The following TNRC6A variants were observed in gnomAD, a reference collection of about 807,000 sequenced individuals.
The protein encoded by TNRC6A is trinucleotide repeat-containing gene 6A protein.
TNRC6A carries 44 observed loss-of-function variants against 221.2 expected under a neutral mutation model. That is an observed-to-expected ratio of 0.20 (90% CI 0.16 to 0.26). The LOEUF (loss-of-function observed/expected upper bound fraction) is 0.26, where lower values mean the gene tolerates loss of function less well. Among genes scored for constraint, TNRC6A ranks in the 10% least tolerant of loss-of-function variants. The probability of loss-of-function intolerance (pLI) is 1.00; values close to 1 mark genes in which losing one functional copy is unlikely to be tolerated. For missense variants in TNRC6A, 2,199 were observed against 2,404.4 expected (o/e 0.91, Z 1.79); for synonymous variants, 847 against 838.5 (o/e 1.01, Z -0.18).
At position 24,634,706 on chromosome 16, in the gene TNRC6A, A is replaced by G. The variant is rs142870128; in HGVS notation, n.277-6178A>G. On this transcript the variant is annotated intron_variant and non_coding_transcript_variant, in intron 1 of 2. Transcript: ENST00000566108. ...GTCAGCTGAGGTTACAAGTCCAGGAACTTCATTCGGGGATTCCAGATTACA... is the reference window on the plus strand; with the variant it reads ...GTCAGCTGAGGTTACAAGTCCAGGAGCTTCATTCGGGGATTCCAGATTACA... Among the ~76,000 whole-genome samples, 84 of 152,260 alleles carry G rather than the reference A, an allele frequency of 5.5e-4. 1 individual carries two copies. In the East Asian group the frequency reaches 0.012, roughly 21 times the overall value.
chr16:24,790,828 A>G lies in TNRC6A; in HGVS notation c.2186A>G (p.Lys729Arg), dbSNP rs1463622475. 1 of 1,614,056 alleles carries G rather than the reference A, an allele frequency of 6.2e-7. No individual in the cohort carries two copies. Among genetic ancestry groups the G allele is most frequent in the East Asian group, 2.2e-5 (1 of 44,898 alleles). ...TCTGGTTGGGGACAGACTCCTATTAAGCAGAATACTGCCTGGGATACAGAA... is the reference window on the plus strand; with the variant it reads ...TCTGGTTGGGGACAGACTCCTATTAGGCAGAATACTGCCTGGGATACAGAA... ...SNSGWGQTPI[K>R]QNTAWDTETS... The change falls in exon 6 of 25, where the codon AAG becomes AGG. Residue 729 changes from lysine (K) to arginine (R), a missense_variant. Lys to Arg is a conservative substitution (Grantham distance 26, BLOSUM62 2). Around this residue, in one of 8 missense-constraint regions of TNRC6A, gnomAD observed 1,405 missense variants for 1,400.2 expected, o/e 1.00. Transcript: ENST00000395799.
In TNRC6A at chr16:24,770,815, G is replaced by A. The variant is rs149766338; in HGVS notation, c.164-6118G>A. Among the ~76,000 whole-genome samples the A allele has an allele frequency of 7.6e-4, 115 of 152,166 alleles. 1 individual carries two copies. The highest frequency in any genetic ancestry group is 2.6e-3 in the African/African-American group (108 of 41,512). The stretch of plus-strand genomic sequence containing the variant: ...AGAACCATATATTCAGTTGCATCCC[G>A]TGTGTGCATATTCTGTAGCAATGGT... On this transcript the variant is annotated intron_variant, in intron 4 of 24. Transcript: ENST00000395799.
At chr16:24,611,508 C>T (rs1384620649) in intron 1 of TNRC6A, among the ~76,000 whole-genome samples, 1 of 151,976 alleles carries the variant, frequency 6.6e-6, no homozygotes, top group Non-Finnish European at 1.5e-5. Context: ...GGCACTCGGA[C>T]CCCAAACGTC....
chr16:24,642,254 A>G (rs1350841414), intron 2 of TNRC6A, among the ~76,000 whole-genome samples: 1 of 152,308 alleles, frequency 6.6e-6, no homozygotes, highest in Admixed American at 6.5e-5. Context: ...GAAACTGAGC[A>G]ATGTTGTCCG....
chr16:24,690,893 C>T (rs1419638026), intron 2 of TNRC6A, among the ~76,000 whole-genome samples: 10 of 151,458 alleles, frequency 6.6e-5, no homozygotes, highest in African/African-American at 1.2e-4. Flanking sequence ...CTGCAAGCTC[C>T]GCCTCCTGGG....
At position 24,679,870 on chromosome 16, in the gene TNRC6A, A is replaced by G. The variant is rs561973044; in HGVS notation, n.402+38861A>G. 1.2e-4 allele frequency among the ~76,000 whole-genome samples: 18 copies of G among 152,182 alleles called. No individual in the cohort carries two copies. In the South Asian group the frequency reaches 3.7e-3, roughly 32 times the overall value. On this transcript the variant is annotated intron_variant and non_coding_transcript_variant, in intron 2 of 2. Coordinates refer to the TNRC6A transcript ENST00000566108. ...GCAATCCTCCCGCTTCAGCCTCCCA[A>G]AGTGCTGAGATTACAGGTGTGAGCC... is the stretch of plus-strand genomic sequence containing the variant.
intron 2 of TNRC6A, among the ~76,000 whole-genome samples, chr16:24,695,054 C>T (rs1331490447): frequency 1.3e-5 from 2 of 152,160 alleles, no homozygotes; most frequent in Non-Finnish European, 2.9e-5. Flanking sequence ...TCAGAAAACC[C>T]ACATCGGATA....
At chr16:24,810,419 C>T (rs552345243) in intron 18 of TNRC6A, among the ~76,000 whole-genome samples, 6 of 152,052 alleles carry the variant, frequency 3.9e-5, no homozygotes, top group East Asian at 3.9e-4. Flanking sequence ...TCATTGTGAA[C>T]GAAAGTATGT....
At chr16:24,633,987 C>G (rs1670110349) in intron 1 of TNRC6A, among the ~76,000 whole-genome samples, 1 of 151,780 alleles carries the variant, frequency 6.6e-6, no homozygotes, top group East Asian at 2.0e-4. Context: ...GCCATGTTGA[C>G]CAGGCTGGTC....
intron 2 of TNRC6A, among the ~76,000 whole-genome samples, chr16:24,745,120 A>G (rs1363854251): frequency 6.6e-6 from 1 of 152,100 alleles, no homozygotes; most frequent in Non-Finnish European, 1.5e-5. Context: ...ACCCCTTTCC[A>G]CTTCCAGATA....
intron 19 of TNRC6A, chr16:24,815,559 A>C (rs377347027): frequency 6.4e-6 from 3 of 471,742 alleles, no homozygotes; most frequent in African/African-American, 5.9e-5. Context: ...ATGAAGAATT[A>C]TATTAAAAAC....
At chr16:24,715,895 A>T (rs758482330) in intron 2 of TNRC6A, among the ~76,000 whole-genome samples, 2 of 152,070 alleles carry the variant, frequency 1.3e-5, no homozygotes, top group Non-Finnish European at 2.9e-5. Flanking sequence ...TGCCGGGATT[A>T]CAGGCATGAG....
chr16:24,645,977 C>A (rs1328799857), intron 2 of TNRC6A, among the ~76,000 whole-genome samples: 1 of 151,682 alleles, frequency 6.6e-6, no homozygotes, highest in Non-Finnish European at 1.5e-5. Context: ...CAAGATAATG[C>A]CACTGCACTT....
At chr16:24,658,651 C>A (rs2054966703) in intron 2 of TNRC6A, among the ~76,000 whole-genome samples, 2 of 151,888 alleles carry the variant, frequency 1.3e-5, no homozygotes, top group African/African-American at 2.4e-5. Flanking sequence ...AGCCACAGAG[C>A]CCCACCCACC....
chr16:24,650,460 T>TC lies in TNRC6A; in HGVS notation n.402+9451_402+9452insC, dbSNP rs1596595570. On this transcript the variant is annotated intron_variant and non_coding_transcript_variant, in intron 2 of 2. Coordinates refer to the TNRC6A transcript ENST00000566108. The stretch of plus-strand genomic sequence containing the variant: ...CGGGTGGATCACTTGAGGACAGGAG[T>TC]TTGAGACCAGCCTGGCCAACATGGC... 2.7e-5 allele frequency among the ~76,000 whole-genome samples: 4 copies of TC among 149,794 alleles called. No homozygotes were observed. The East Asian group carries it at 7.9e-4, about 30-fold the overall frequency.
intron 4 of TNRC6A, among the ~76,000 whole-genome samples, chr16:24,774,002 T>C (rs1042971768): frequency 4.6e-5 from 7 of 152,314 alleles, no homozygotes; most frequent in Admixed American, 3.9e-4. Context: ...ACACAGATAA[T>C]TGGGGGCTTC....
In TNRC6A at chr16:24,687,147, G is replaced by A. The variant is rs1484465323; in HGVS notation, n.402+46138G>A. ...CGGAACCCTGTGAGTCCATAGGAGG[G>A]AGATACTAGGTCTCCCTAGGGAATT... On this transcript the variant is annotated intron_variant and non_coding_transcript_variant, in intron 2 of 2. Transcript: ENST00000566108. Among the ~76,000 whole-genome samples, 42 of 152,154 alleles carry A rather than the reference G, an allele frequency of 2.8e-4. 1 individual carries two copies. The highest frequency in any genetic ancestry group is 2.8e-3 in the Admixed American group (42 of 15,266).
At chr16:24,641,979 T>C (rs1901972887) in intron 2 of TNRC6A, among the ~76,000 whole-genome samples, 1 of 152,108 alleles carries the variant, frequency 6.6e-6, no homozygotes. Flanking sequence ...TTAATCAAAG[T>C]AAAAGCTGGA....
intron 2 of TNRC6A, among the ~76,000 whole-genome samples, chr16:24,702,453 T>C (rs921403687): frequency 6.6e-6 from 1 of 152,062 alleles, no homozygotes; most frequent in Non-Finnish European, 1.5e-5. Context: ...GCTAGGATTA[T>C]AGGCATGAGC....
Sources: gnomAD v4.1 joint callset for allele counts (sites outside exome capture counted in the v4.1 genomes callset) on GRCh38, gnomAD v4.1.1 for gene constraint, gnomAD v4.1.1 regional missense constraint, MANE v1.5 for transcripts, NCBI Gene and HGNC (gene_info 2026-07-23, HGNC 2026-07-21) for gene names.